DUSP8: variants seen among roughly 807,000 people sequenced by gnomAD.
DUSP8 encodes dual specificity protein phosphatase 8.
In DUSP8, 15 loss-of-function variants were observed where a neutral mutation model predicts 38.7. That is an observed-to-expected ratio of 0.39 (90% CI 0.26 to 0.60). DUSP8 has a LOEUF of 0.60. DUSP8 is among the 20% of genes least tolerant of loss of function. The pLI is 0.56. For synonymous variants in DUSP8, 458 were observed against 433.9 expected, an observed-to-expected ratio of 1.06 and a Z score of -0.69; for missense variants, 768 against 915.0, an observed-to-expected ratio of 0.84 and a Z score of 2.07.
chr11:1,557,205 G>A lies in DUSP8; in HGVS notation c.1191C>T (p.Asp397=), dbSNP rs1438223427. ...TNRLKRSFSL[D]IKSAYAPSRR... is the part of the protein sequence containing the mutation. ...TGCTAGGGGCGTAGGCAGACTTGATGTCCAGGGAGAAGGAGCGCTTGAGGC... is the reference window on the plus strand; with the variant it reads ...TGCTAGGGGCGTAGGCAGACTTGATATCCAGGGAGAAGGAGCGCTTGAGGC... The change falls in exon 7 of 7, where the codon GAC becomes GAT. Residue 397 remains aspartate (D), a synonymous_variant. Coordinates refer to ENST00000397374, the MANE Select transcript of DUSP8 (RefSeq NM_004420.3). This position sits in a 1 kb window ranked among gnomAD's most constrained non-coding sequence, Gnocchi z 9.9. 17 of 1,494,038 alleles carry A rather than the reference G, an allele frequency of 1.1e-5. No homozygotes were observed. In the East Asian group the frequency reaches 4.0e-4, roughly 35 times the overall value. The allele number at this position is 1,494,038 out of a possible 1,614,324, so 92.5% of individuals were successfully genotyped here. A position where few individuals can be genotyped will look rare whatever the true frequency, so the allele number is the denominator to read the frequency against.
intron 1 of DUSP8, among the ~76,000 whole-genome samples, chr11:1,570,933 G>C (rs1848879859): frequency 6.6e-6 from 1 of 151,910 alleles, no homozygotes; most frequent in Admixed American, 6.6e-5. Flanking sequence ...CTGGCCTGCA[G>C]CACCCCACCC....
intron 1 of DUSP8, among the ~76,000 whole-genome samples, chr11:1,566,973 G>A (rs921898739): frequency 1.3e-5 from 2 of 152,162 alleles, no homozygotes; most frequent in Non-Finnish European, 2.9e-5. Flanking sequence ...GCCTTCCTCT[G>A]GGTCCACTTT....
At chr11:1,567,472 G>A (rs1383426732) in intron 1 of DUSP8, among the ~76,000 whole-genome samples, 1 of 152,204 alleles carries the variant, frequency 6.6e-6, no homozygotes, top group East Asian at 1.9e-4. Context: ...CCCTGGCCCA[G>A]CCCCAACTCC....
chr11:1,565,933 A>G lies in DUSP8; in HGVS notation c.-107T>C. ...GGAGTGACCTAGCACATGGTGCTGG[A>G]CCTGCAGGGACAGGGGGATGGTCAG... On this transcript the variant is annotated splice_region_variant and 5_prime_UTR_variant, in exon 2 of 7. Coordinates refer to ENST00000397374, the MANE Select transcript of DUSP8 (RefSeq NM_004420.3). 1 of 928,752 alleles carries G rather than the reference A, an allele frequency of 1.1e-6. No individual in the cohort carries two copies. The highest frequency in any genetic ancestry group is 1.7e-6 in the Non-Finnish European group (1 of 592,490). 57.5% of individuals were successfully genotyped at this position (928,752 alleles called of 1,614,324 possible).
chr11:1,568,883 C>G (rs558180714), intron 1 of DUSP8, among the ~76,000 whole-genome samples: 39 of 152,352 alleles, frequency 2.6e-4, no homozygotes, highest in African/African-American at 8.9e-4. Flanking sequence ...CAGGGTCTCC[C>G]TGGACCTACA....
intron 1 of DUSP8, among the ~76,000 whole-genome samples, chr11:1,568,725 G>GT (rs1376179091): frequency 6.6e-6 from 1 of 152,128 alleles, no homozygotes; most frequent in Non-Finnish European, 1.5e-5. Flanking sequence ...CCCACTCCAG[G>GT]TACCTGCTGT....
intron 1 of DUSP8, among the ~76,000 whole-genome samples, chr11:1,569,155 G>A (rs563715494): frequency 6.6e-6 from 1 of 152,274 alleles, no homozygotes; most frequent in Non-Finnish European, 1.5e-5. Context: ...CCAGTGCCTA[G>A]GGGTTGGGGG....
intron 2 of DUSP8, 53 bp downstream of exon 2, chr11:1,565,543 T>C: frequency 6.9e-7 from 1 of 1,447,944 alleles, no homozygotes; most frequent in Non-Finnish European, 9.5e-7. Flanking sequence ...TGAGGGCCCC[T>C]TAGCTGTGGA....
intron 1 of DUSP8, among the ~76,000 whole-genome samples, chr11:1,570,246 C>T (rs1848866945): frequency 6.6e-6 from 1 of 152,226 alleles, no homozygotes; most frequent in Non-Finnish European, 1.5e-5. Context: ...GTCCCTCCTC[C>T]TGGTCACTGT....
intron 3 of DUSP8, among the ~76,000 whole-genome samples, chr11:1,561,100 G>A (rs1848710250): frequency 6.6e-6 from 1 of 152,124 alleles, no homozygotes; most frequent in Non-Finnish European, 1.5e-5. Context: ...AACCACCCAG[G>A]CTCTGGGGGT....
At chr11:1,562,203 G>A (rs896369644) in intron 3 of DUSP8, among the ~76,000 whole-genome samples, 7 of 152,144 alleles carry the variant, frequency 4.6e-5, no homozygotes, top group African/African-American at 1.2e-4. Context: ...CCCCCAAACC[G>A]TCCCACTCTG....
intron 2 of DUSP8, among the ~76,000 whole-genome samples, chr11:1,565,093 G>A (rs57293835): frequency 0.54 from 82,131 of 152,032 alleles, 22,609 homozygotes; most frequent in African/African-American, 0.56. Context: ...AATACTCTGC[G>A]GGCTGGGGGA....
At chr11:1,563,739 T>G in intron 3 of DUSP8, 112 bp downstream of exon 3, 1 of 1,157,820 alleles carries the variant, frequency 8.6e-7, no homozygotes, top group Non-Finnish European at 1.2e-6. Flanking sequence ...GAACCACAGA[T>G]GTATGGAGAT....
At chr11:1,563,478 C>T (rs564294484) in intron 3 of DUSP8, among the ~76,000 whole-genome samples, 87 of 152,174 alleles carry the variant, frequency 5.7e-4, no homozygotes, top group Non-Finnish European at 1.0e-3. Flanking sequence ...GCAACCTGCA[C>T]TCAGCTGGGC....
intron 1 of DUSP8, among the ~76,000 whole-genome samples, chr11:1,570,069 G>C (rs1848864175): frequency 6.6e-6 from 1 of 152,200 alleles, no homozygotes; most frequent in African/African-American, 2.4e-5. Context: ...GCTGGCCTGG[G>C]GAAGCTGTGG....
intron 1 of DUSP8, among the ~76,000 whole-genome samples, chr11:1,566,340 G>T (rs1011275725): frequency 6.6e-6 from 1 of 152,090 alleles, no homozygotes; most frequent in Non-Finnish European, 1.5e-5. Flanking sequence ...CCTCCCACAT[G>T]GTCAAGCTCT....
At chr11:1,562,205 C>T (rs1405564118) in intron 3 of DUSP8, among the ~76,000 whole-genome samples, 1 of 152,320 alleles carries the variant, frequency 6.6e-6, no homozygotes, top group African/African-American at 2.4e-5. Flanking sequence ...CCCAAACCGT[C>T]CCACTCTGGC....
chr11:1,569,261 C>G (rs977905912), intron 1 of DUSP8, among the ~76,000 whole-genome samples: 1 of 152,082 alleles, frequency 6.6e-6, no homozygotes, highest in Non-Finnish European at 1.5e-5. Flanking sequence ...TTTCCAAGTC[C>G]AAAGTCAGAA....
At position 1,556,770 on chromosome 11, in the gene DUSP8, G is replaced by A; in HGVS notation, c.1626C>T (p.Phe542=). ...CTGGTCCCGGGGCGCCCGCCCGGCC[G>A]AAGGGCGCAAACAGCACCCCGCCCG... ...QGAGGVLFAP[F]GRAGAPGPGG... Residue 542 remains phenylalanine (F), a synonymous_variant, in exon 7 of 7, where the codon TTC becomes TTT. Coordinates refer to ENST00000397374, the MANE Select transcript of DUSP8 (RefSeq NM_004420.3). This position sits in a 1 kb window ranked among gnomAD's most constrained non-coding sequence, Gnocchi z 5.2. 1.7e-6 allele frequency: 2 copies of A among 1,193,746 alleles called. No individual in the cohort carries two copies. Among genetic ancestry groups the A allele is most frequent in the Non-Finnish European group, 1.0e-6 (1 of 963,918 alleles). 73.9% of individuals were successfully genotyped at this position (1,193,746 alleles called of 1,614,324 possible).
Sources: gnomAD v4.1 joint callset for allele counts (sites outside exome capture counted in the v4.1 genomes callset) on GRCh38, gnomAD v4.1.1 for gene constraint, Gnocchi (gnomAD v3.1) non-coding constraint, MANE v1.5 for transcripts, NCBI Gene and HGNC (gene_info 2026-07-23, HGNC 2026-07-21) for gene names.